Variants in PSMG1 observed in about 807,000 individuals in gnomAD.
PSMG1 encodes proteasome assembly chaperone 1.
PSMG1 carries 23 observed loss-of-function variants against 37.2 expected under a neutral mutation model. The observed-to-expected ratio is 0.62, with a 90% CI of 0.44 to 0.88. The LOEUF (loss-of-function observed/expected upper bound fraction) is 0.88. Among genes scored for constraint, PSMG1 ranks in the 40% least tolerant of loss-of-function variants. The pLI, the probability that PSMG1 is intolerant of heterozygous loss-of-function variation, is 0.00. For missense variants in PSMG1, 340 were observed against 344.2 expected, an observed-to-expected ratio of 0.99 and a Z score of 0.10; for synonymous variants, 127 against 128.0, an observed-to-expected ratio of 0.99 and a Z score of 0.05.
intron 2 of PSMG1, among the ~76,000 whole-genome samples, chr21:39,180,765 C>T (rs1218663023): frequency 6.6e-6 from 1 of 152,160 alleles, no homozygotes; most frequent in African/African-American, 2.4e-5. Context: ...TACTTGCCAT[C>T]ATGTACTTAC....
chr21:39,178,974 G>A (rs1028465530), intron 4 of PSMG1, among the ~76,000 whole-genome samples: 19 of 152,108 alleles, frequency 1.2e-4, no homozygotes, highest in Non-Finnish European at 2.2e-4. Flanking sequence ...CTGGATATGG[G>A]GGTAGATCCC....
At chr21:39,180,209 C>A (rs985803770) in intron 3 of PSMG1, 76 bp downstream of exon 3, 26 of 1,474,484 alleles carry the variant, frequency 1.8e-5, no homozygotes, top group African/African-American at 9.9e-5. Context: ...ATTTGCCATA[C>A]TAAAGTATAC....
intron 3 of PSMG1, 103 bp downstream of exon 3, chr21:39,180,182 G>A: frequency 7.2e-6 from 10 of 1,384,284 alleles, no homozygotes; most frequent in Non-Finnish European, 9.7e-6. Context: ...AGTGCACACT[G>A]ACAGAGCAAC....
chr21:39,175,809 G>A (rs1368310016), intron 6 of PSMG1, 145 bp from the exon 7 acceptor site: 7 of 576,218 alleles, frequency 1.2e-5, no homozygotes, highest in South Asian at 4.1e-5. Flanking sequence ...CCTTCTCAAC[G>A]AAAAGGCAAG....
At chr21:39,180,248 T>TA (rs1555910470) in intron 3 of PSMG1, 37 bp downstream of exon 3, 2 of 1,547,464 alleles carry the variant, frequency 1.3e-6, no homozygotes, top group Admixed American at 4.0e-5. Flanking sequence ...AAGTGATACT[T>TA]AAATAACTGC....
chr21:39,179,815 TAAAG>T, intron 4 of PSMG1, 105 bp downstream of exon 4: 1 of 947,662 alleles, frequency 1.1e-6, no homozygotes, highest in African/African-American at 1.7e-5. Flanking sequence ...CACAATATTT[TAAAG>T]AAATAAATAT....
intron 1 of PSMG1, 143 bp downstream of exon 1, chr21:39,183,109 G>T: frequency 9.3e-7 from 1 of 1,074,998 alleles, no homozygotes; most frequent in Non-Finnish European, 1.3e-6. Context: ...GAGACCCAGG[G>T]CCCAAGCAGA....
chr21:39,179,597 G>C (rs2030749046), intron 4 of PSMG1, among the ~76,000 whole-genome samples: 1 of 152,078 alleles, frequency 6.6e-6, no homozygotes, highest in African/African-American at 2.4e-5. Context: ...AAGATCTAAA[G>C]TGATGTAAAC....
chr21:39,176,237 T>C (rs2030621812), intron 6 of PSMG1, among the ~76,000 whole-genome samples: 1 of 152,160 alleles, frequency 6.6e-6, no homozygotes, highest in African/African-American at 2.4e-5. Context: ...AAAGCAAAAA[T>C]GAAAATGCTG....
At chr21:39,180,554 G>T (rs572599811) in intron 2 of PSMG1, 118 bp from the exon 3 acceptor site, 2 of 1,026,822 alleles carry the variant, frequency 1.9e-6, no homozygotes, top group Non-Finnish European at 2.7e-6. Context: ...ATTCAAGACC[G>T]TCTACCTAAT....
chr21:39,183,205 C>G, intron 1 of PSMG1, 47 bp downstream of exon 1: 1 of 1,506,736 alleles, frequency 6.6e-7, no homozygotes, highest in Non-Finnish European at 8.9e-7. Context: ...CAGGCCCGCG[C>G]ACCTTCCAGC....
In PSMG1 at chr21:39,183,238, T is replaced by A; in HGVS notation, c.134+14A>T. 1 of 1,572,220 alleles carries A rather than the reference T, an allele frequency of 6.4e-7. No homozygotes were observed. Among genetic ancestry groups the A allele is most frequent in the South Asian group, 1.1e-5 (1 of 87,118 alleles). On this transcript the variant is annotated intron_variant, in intron 1 of 6. Coordinates refer to ENST00000331573, the MANE Select transcript of PSMG1 (RefSeq NM_003720.4). ...AGCTGCGGTGAGCGCGCTGCCCTTATCCCGGTGCCTCACCTCTTCCGCGCC... is the reference window on the plus strand; with the variant it reads ...AGCTGCGGTGAGCGCGCTGCCCTTAACCCGGTGCCTCACCTCTTCCGCGCC...
chr21:39,181,193 T>C (rs2030813536), intron 2 of PSMG1, among the ~76,000 whole-genome samples: 1 of 152,114 alleles, frequency 6.6e-6, no homozygotes, highest in Admixed American at 6.5e-5. Context: ...GCACGATCAG[T>C]GGGAGGATCG....
intron 1 of PSMG1, chr21:39,182,919 A>G: frequency 3.8e-6 from 1 of 261,550 alleles, no homozygotes; most frequent in East Asian, 7.8e-5. Flanking sequence ...GAAGATCACG[A>G]GTCCGCAAGA....
intron 2 of PSMG1, among the ~76,000 whole-genome samples, chr21:39,180,940 TCCA>T (rs2030805520): frequency 6.6e-6 from 1 of 152,174 alleles, no homozygotes; most frequent in Non-Finnish European, 1.5e-5. Flanking sequence ...TTTACTTTAA[TCCA>T]CCAAGAGAAT....
chr21:39,183,187 G>C lies in PSMG1; in HGVS notation c.134+65C>G, dbSNP rs2030932096. 11 of 1,447,730 alleles carry C rather than the reference G, an allele frequency of 7.6e-6. No homozygotes were observed. The East Asian group carries it at 2.8e-4, about 37-fold the overall frequency. 89.7% of individuals were successfully genotyped at this position (1,447,730 alleles called of 1,614,324 possible). ...CGGAGCCCCGGCCTTAGGCGCCGTC[G>C]CGGCTGCCAGGCCCGCGCACCTTCC... is the stretch of plus-strand genomic sequence containing the variant. On this transcript the variant is annotated intron_variant, in intron 1 of 6. Coordinates refer to ENST00000331573, the MANE Select transcript of PSMG1 (RefSeq NM_003720.4).
rs1297538727 is a variant in PSMG1, at chr21:39,175,139, T to G, written c.*451A>C. 1 of 152,234 alleles carries G rather than the reference T, an allele frequency of 6.6e-6. No homozygotes were observed. The highest frequency in any genetic ancestry group is 2.4e-5 in the African/African-American group (1 of 41,412). The allele number at this position is 152,234 out of a possible 1,614,324, so 9.4% of individuals were successfully genotyped here. On this transcript the variant is annotated 3_prime_UTR_variant, in exon 7 of 7. Coordinates refer to ENST00000331573, the MANE Select transcript of PSMG1 (RefSeq NM_003720.4). Reference sequence around the variant, plus strand: ...ATACCATCTGCTGATATCTGTAGCTTTGAAAAATTTAACTAAAGTTGGGCA... The same window carrying G: ...ATACCATCTGCTGATATCTGTAGCTGTGAAAAATTTAACTAAAGTTGGGCA...
chr21:39,183,390 G>C lies in PSMG1; in HGVS notation c.-5C>G. 5 of 1,575,678 alleles carry C rather than the reference G, an allele frequency of 3.2e-6. No homozygotes were observed. In the African/African-American group the frequency reaches 6.9e-5, roughly 22 times the overall value. On this transcript the variant is annotated 5_prime_UTR_variant, in exon 1 of 7. Transcript: ENST00000331573. Reference sequence around the variant, plus strand: ...TCCGAAGAACGTGGCCGCCATAGCCGCCCCGTGACCGGCTGGACACAACTG... The same window carrying C: ...TCCGAAGAACGTGGCCGCCATAGCCCCCCCGTGACCGGCTGGACACAACTG...
Position 39,177,465 on chromosome 21 carries a change from A to G in PSMG1, c.762T>C (p.Leu254=). Residue 254 remains leucine (L), a synonymous_variant, in exon 6 of 7, where the codon CTT becomes CTC. Coordinates refer to ENST00000331573, the MANE Select transcript of PSMG1 (RefSeq NM_003720.4). ...CCAAACCCTTCAAGCTTCTGGTAGA[A>G]AGTATAGGCTTAAAAGCTTCCACTG... ...LITVEAFKPI[L]STRSLKGLVK... is the part of the protein sequence containing the mutation. 1 of 1,601,546 alleles carries G rather than the reference A, an allele frequency of 6.2e-7. No individual in the cohort carries two copies. Among genetic ancestry groups the G allele is most frequent in the Non-Finnish European group, 8.5e-7 (1 of 1,175,658 alleles).
Sources: gnomAD v4.1 joint callset for allele counts (sites outside exome capture counted in the v4.1 genomes callset) on GRCh38, gnomAD v4.1.1 for gene constraint, MANE v1.5 for transcripts, NCBI Gene and HGNC (gene_info 2026-07-23, HGNC 2026-07-21) for gene names.